Variants in TTN observed in about 807,000 individuals in gnomAD.
TTN encodes titin.
A neutral mutation model predicts 3,223.0 loss-of-function variants in TTN; 1,525 were observed. The ratio of observed to expected loss-of-function variants is 0.47; its 90% CI spans 0.45 to 0.49. The LOEUF is 0.49. TTN is among the 20% of genes least tolerant of loss of function. The probability of loss-of-function intolerance (pLI) is 0.00; values close to 1 mark genes in which losing one functional copy is unlikely to be tolerated. For missense variants in TTN, 40,786 were observed against 43,424.0 expected (o/e 0.94, Z 5.40); for synonymous variants, 14,094 against 15,161.0 (o/e 0.93, Z 5.17).
chr2:178,669,442 C>A lies in TTN; in HGVS notation c.35476G>T (p.Gly11826Trp). The change falls in exon 159 of 363, where the codon GGG (glycine) becomes TGG (tryptophan). Residue 11826 changes from glycine (G) to tryptophan (W), a missense_variant. Transcript: ENST00000589042. ...TCTTGAACACTTTTCTTAGGCATCC[C>A]AGGAACTTTAAAGATATTAGTATAT... The part of the protein sequence containing the change: ...KPEVPPAKVP[G>W]MPKKSVQEEK... The A allele has an allele frequency of 6.5e-7, 1 of 1,536,378 alleles. No individual in the cohort carries two copies.
rs2076880929 is a variant in TTN at position 178,712,970 on chromosome 2, G to A, written c.27055C>T (p.Pro9019Ser). The change falls in exon 94 of 363, where the codon CCA becomes TCA. Residue 9019 changes from proline to serine, a missense_variant. Physicochemically the swap from Pro to Ser is moderately conservative, Grantham distance 74. Coordinates refer to ENST00000589042, the MANE Select transcript of TTN (RefSeq NM_001267550.2). ...GGATCAGGTTTCTGAACAAAAGATG[G>A]TGGTTCTAAACACAAAAGCACATAT... ...CSAPLTVREP[P>S]SFVQKPDPMD... 2 of 1,612,022 alleles carry A rather than the reference G, an allele frequency of 1.2e-6. No homozygotes were observed. Among genetic ancestry groups the A allele is most frequent in the African/African-American group, 2.7e-5 (2 of 74,876 alleles).
At position 178,712,867 on chromosome 2, in the gene TTN, A is replaced by T; in HGVS notation, c.27158T>A (p.Phe9053Tyr). 2 of 1,613,756 alleles carry T rather than the reference A, an allele frequency of 1.2e-6. No individual in the cohort carries two copies. Among genetic ancestry groups the T allele is most frequent in the Non-Finnish European group, 1.7e-6 (2 of 1,179,750 alleles). The change falls in exon 94 of 363, where the codon TTC becomes TAC. Residue 9053 changes from phenylalanine (F) to tyrosine (Y), a missense_variant. By Grantham distance (22) the Phe-to-Tyr change is conservative (BLOSUM62 3). Coordinates refer to ENST00000589042, the MANE Select transcript of TTN (RefSeq NM_001267550.2). ...TGGTACTAGTTCACTGCTACCTTTG[A>T]ACCAGCTAACACTGAAAGGAGGTGT... ...KGTPPFSVSW[F>Y]KGSSELVPGD...
In TTN at chr2:178,734,758, C is replaced by A. The variant is rs763353350; in HGVS notation, c.15166G>T (p.Ala5056Ser). The A allele has an allele frequency of 2.5e-6, 4 of 1,613,514 alleles. No individual in the cohort carries two copies. The highest frequency in any genetic ancestry group is 3.4e-6 in the Non-Finnish European group (4 of 1,179,576). Residue 5056 changes from alanine to serine, a missense_variant, in exon 51 of 363, where the codon GCA becomes TCA. Coordinates refer to ENST00000589042, the MANE Select transcript of TTN (RefSeq NM_001267550.2). ...VEDSGSYSCE[A>S]VNDVGSDSCS... ...CTATCACTGCCGACGTCATTCACTG[C>A]TTCACATGAGTAACTCCCACTGTCT...
In TTN at chr2:178,718,106, T is replaced by C; in HGVS notation, c.24900A>G (p.Glu8300=). The change falls in exon 86 of 363, where the codon GAA becomes GAG. Residue 8300 remains glutamate (E), a synonymous_variant. Coordinates refer to ENST00000589042, the MANE Select transcript of TTN (RefSeq NM_001267550.2). ...TPEIRISWYK[E]HTKLRSAPAY... is the part of the protein sequence containing the mutation. ...CAGGAGCTGATCGTAGCTTTGTGTG[T>C]TCTTTATACCAAGAAATTCTAATTT... 1.9e-6 allele frequency: 3 copies of C among 1,612,730 alleles called. No individual in the cohort carries two copies. In the South Asian group the frequency reaches 3.3e-5, roughly 18 times the overall value.
Position 178,611,212 on chromosome 2 carries a change from T to C in TTN, c.50917A>G (p.Ser16973Gly), listed in dbSNP as rs943563172. The C allele has an allele frequency of 1.2e-6, 2 of 1,612,684 alleles. No individual in the cohort carries two copies. The highest frequency in any genetic ancestry group is 1.7e-6 in the Non-Finnish European group (2 of 1,179,268). ...ACAGCTCTGAAGGGAACAGGAATGC[T>C]TAACTTTTCACCTTCAATAACAATA... Reference protein sequence around the residue: ...DIIVIEGEKLSIPVPFRAVPV... With the variant: ...DIIVIEGEKLGIPVPFRAVPV... Residue 16973 changes from serine (S) to glycine (G), a missense_variant, in exon 270 of 363, where the codon AGC becomes GGC. Ser to Gly is a moderately conservative substitution (Grantham distance 56, BLOSUM62 0). Coordinates refer to ENST00000589042, the MANE Select transcript of TTN (RefSeq NM_001267550.2).
chr2:178,801,068 G>A (rs915251873), intron 3 of TTN, among the ~76,000 whole-genome samples: 1 of 152,282 alleles, frequency 6.6e-6, no homozygotes, highest in African/African-American at 2.4e-5. Flanking sequence ...CCAGTAAGTT[G>A]CATTAAAATG....
rs72648270 is a variant in TTN, at chr2:178,539,901, T to G, written c.98164A>C (p.Ile32722Leu). The G allele has an allele frequency of 1.2e-6, 2 of 1,613,850 alleles. No individual in the cohort carries two copies. Among genetic ancestry groups the G allele is most frequent in the Non-Finnish European group, 8.5e-7 (1 of 1,179,778 alleles). The change falls in exon 352 of 363, where the codon ATC (isoleucine) becomes CTC (leucine). Residue 32722 changes from isoleucine (I) to leucine (L), a missense_variant. Transcript: ENST00000589042. The stretch of plus-strand genomic sequence containing the variant: ...CCTTTGATTGGTATGGTAAGTCTGA[T>G]GACGCCACCTTGCCTTACAAAGATA... Reference protein sequence around the residue: ...EGIFVRQGGVIRLTIPIKGKP... With the variant: ...EGIFVRQGGVLRLTIPIKGKP...
Position 178,616,525 on chromosome 2 carries a change from C to T in TTN, c.48266G>A (p.Gly16089Glu). 6.2e-7 allele frequency: 1 copy of T among 1,612,400 alleles called. No individual in the cohort carries two copies. Among genetic ancestry groups the T allele is most frequent in the South Asian group, 1.1e-5 (1 of 91,014 alleles). The change falls in exon 257 of 363, where the codon GGA becomes GAA. Residue 16089 changes from glycine to glutamate, a missense_variant. Gly to Glu is a moderately conservative substitution (Grantham distance 98). Coordinates refer to ENST00000589042, the MANE Select transcript of TTN (RefSeq NM_001267550.2). Reference protein sequence around the residue: ...PDDDGGSPLTGYVVEKREVSR... With the variant: ...PDDDGGSPLTEYVVEKREVSR... ...GACTTCTCGTTTTTCAACAACGTATCCAGTTAACGGACTTCCTCCATCATC... is the reference window on the plus strand; with the variant it reads ...GACTTCTCGTTTTTCAACAACGTATTCAGTTAACGGACTTCCTCCATCATC...
intron 109 of TTN, among the ~76,000 whole-genome samples, 164 bp from the exon 110 acceptor site, chr2:178,701,751 C>T (rs780601666): frequency 2.0e-5 from 3 of 152,138 alleles, no homozygotes; most frequent in Admixed American, 6.5e-5. Flanking sequence ...TATGCAACCA[C>T]GCAGGTAAGT....
rs368607833 is a variant in TTN at position 178,663,876 on chromosome 2, G to A, written c.36391C>T (p.Arg12131Cys). The change falls in exon 170 of 363, where the codon CGC becomes TGC. Residue 12131 changes from arginine to cysteine, a missense_variant. Physicochemically the swap from Arg to Cys is radical, Grantham distance 180. Coordinates refer to ENST00000589042, the MANE Select transcript of TTN (RefSeq NM_001267550.2). ...GGAGCCAAGGGCACTTTCTCTTCGC[G>A]GATAACCTCTTTGGAAGCTTCTGGC... ...KVPEASKEVIREEKVPLAPPK... is the reference protein window; with the variant it reads ...KVPEASKEVICEEKVPLAPPK... 2.0e-4 allele frequency: 317 copies of A among 1,613,132 alleles called. No homozygotes were observed. Among genetic ancestry groups the A allele is most frequent in the Admixed American group, 2.8e-4 (17 of 59,972 alleles).
At position 178,616,920 on chromosome 2, in the gene TTN, G is replaced by A. The variant is rs1253292798; in HGVS notation, c.47969C>T (p.Pro15990Leu). 6.2e-7 allele frequency: 1 copy of A among 1,612,682 alleles called. No homozygotes were observed. The highest frequency in any genetic ancestry group is 8.5e-7 in the Non-Finnish European group (1 of 1,179,140). Residue 15990 changes from proline to leucine, a missense_variant, in exon 256 of 363, where the codon CCA becomes CTA. Transcript: ENST00000589042. ...AAAACACCAGGTTGCAGTTGGCCTT[G>A]GATAGCCTGTACTTGGAACCAGGAT... ...ITILVPSTGY[P>L]RPTATWCFGD... is the part of the protein sequence containing the mutation.
intron 307 of TTN, 44 bp downstream of exon 307, chr2:178,587,074 A>G: frequency 1.2e-6 from 2 of 1,608,152 alleles, no homozygotes; most frequent in East Asian, 2.2e-5. Context: ...CCTTGCTAAA[A>G]TAGGAGACTG....
intron 213 of TTN, among the ~76,000 whole-genome samples, chr2:178,649,024 T>G (rs2062475610): frequency 6.6e-6 from 1 of 152,164 alleles, no homozygotes; most frequent in African/African-American, 2.4e-5. Flanking sequence ...GAGAAGGTTC[T>G]TTTCTACTAG....
Position 178,579,071 on chromosome 2 carries a change from A to G in TTN, c.67959T>C (p.Phe22653=), listed in dbSNP as rs72646877. The G allele has an allele frequency of 1.6e-4, 261 of 1,613,196 alleles. No homozygotes were observed. Among genetic ancestry groups the G allele is most frequent in the Non-Finnish European group, 2.1e-4 (250 of 1,179,550 alleles). ...KPGIPTGPIK[F]DEVTAEAMTL... ...TCATGGCTTCTGCTGTGACTTCATC[A>G]AATTTGATTGGTCCAGTGGGGATGC... The change falls in exon 320 of 363, where the codon TTT becomes TTC. Residue 22653 remains phenylalanine (F), a synonymous_variant. Transcript: ENST00000589042.
chr2:178,701,646 CT>C, intron 109 of TTN, 59 bp from the exon 110 acceptor site: 2 of 1,532,406 alleles, frequency 1.3e-6, no homozygotes, highest in Non-Finnish European at 1.8e-6. Flanking sequence ...TATTAGAAAA[CT>C]AAGGTGTGTT....
chr2:178,606,685 C>T (rs374921907), intron 278 of TTN, among the ~76,000 whole-genome samples: 14 of 151,992 alleles, frequency 9.2e-5, no homozygotes, highest in East Asian at 5.9e-4. Flanking sequence ...TTAACTACTA[C>T]GCTAGTAAGT....
In TTN at chr2:178,746,792, A is replaced by G. The variant is rs200376564; in HGVS notation, c.11312-4871T>C. The G allele has an allele frequency of 4.5e-5, 72 of 1,613,406 alleles. No individual in the cohort carries two copies. In the Admixed American group the frequency reaches 5.2e-4, roughly 12 times the overall value. ...AACTGGAAGACCTTCAACTTCAACA[A>G]TGAAGCCTAGTGTTGTGTTTTCATA... On this transcript the variant is annotated intron_variant, in intron 47 of 362. Transcript: ENST00000589042.
rs794727388 is a variant in TTN at position 178,601,477 on chromosome 2, C to T, written c.55520G>A (p.Gly18507Glu). 7 of 1,612,886 alleles carry T rather than the reference C, an allele frequency of 4.3e-6. No individual in the cohort carries two copies. The African/African-American group carries it at 8.0e-5, about 18-fold the overall frequency. ...RLSWKMPDDD[G>E]GDRIKGYVIE... ...AACATAGCCTTTGATCCTGTCTCCT[C>T]CATCGTCGTCTGGCATCTTCCATGA... is the stretch of plus-strand genomic sequence containing the variant. Residue 18507 changes from glycine to glutamate, a missense_variant, in exon 287 of 363, where the codon GGA becomes GAA. Transcript: ENST00000589042.
Position 178,702,637 on chromosome 2 carries a change from T to C in TTN, c.30250A>G (p.Ile10084Val). ...EAEPIQFTKR[I>V]QNIVVSEHQS... ...TGCTCACTCACCACGATGTTCTGTATGCGCTTTGTAAACTGAATTGGTTCA... is the reference window on the plus strand; with the variant it reads ...TGCTCACTCACCACGATGTTCTGTACGCGCTTTGTAAACTGAATTGGTTCA... The change falls in exon 107 of 363, where the codon ATA (isoleucine) becomes GTA (valine). Residue 10084 changes from isoleucine to valine, a missense_variant. Transcript: ENST00000589042. 5 of 1,613,864 alleles carry C rather than the reference T, an allele frequency of 3.1e-6. No homozygotes were observed. The highest frequency in any genetic ancestry group is 1.1e-5 in the South Asian group (1 of 91,074).
Sources: allele counts gnomAD v4.1 joint callset (sites outside exome capture counted in the v4.1 genomes callset), GRCh38; gene constraint gnomAD v4.1.1; transcripts MANE v1.5; gene names NCBI Gene and HGNC (gene_info 2026-07-23, HGNC 2026-07-21).